The following GRM5 variants were observed in gnomAD, a reference collection of about 807,000 sequenced individuals.
GRM5 encodes the protein metabotropic glutamate receptor 5.
GRM5 carries 19 observed loss-of-function variants against 83.1 expected under a neutral mutation model. The ratio of observed to expected loss-of-function variants is 0.23; its 90% confidence interval spans 0.16 to 0.34. GRM5 has a LOEUF of 0.34. Ranked by LOEUF, GRM5 falls within the 10% of genes least tolerant of loss-of-function variation. The pLI, the probability that GRM5 is intolerant of heterozygous loss-of-function variation, is 1.00. For synonymous variants in GRM5, 675 were observed against 633.6 expected (o/e 1.07, Z -0.98); for missense variants, 1,160 against 1,588.3 (o/e 0.73, Z 4.58).
At chr11:88,627,652 C>A (rs1938839218) in intron 4 of GRM5, among the ~76,000 whole-genome samples, 1 of 152,134 alleles carries the variant, frequency 6.6e-6, no homozygotes, top group Admixed American at 6.5e-5. Flanking sequence ...GCAAAATTTT[C>A]TCAATCACCT....
intron 3 of GRM5, among the ~76,000 whole-genome samples, chr11:88,719,739 C>G (rs1316357702): frequency 6.6e-6 from 1 of 151,868 alleles, no homozygotes; most frequent in African/African-American, 2.4e-5. Flanking sequence ...TGGCTCTTGA[C>G]TTTAATAATA....
chr11:88,722,577 A>G (rs984037003), intron 3 of GRM5, among the ~76,000 whole-genome samples: 2 of 152,132 alleles, frequency 1.3e-5, no homozygotes, highest in Admixed American at 1.3e-4. Context: ...ATCAATCTTT[A>G]TATACTAAGA....
chr11:88,828,857 C>T (rs979265825), intron 3 of GRM5, among the ~76,000 whole-genome samples: 6 of 151,798 alleles, frequency 4.0e-5, no homozygotes, highest in South Asian at 2.1e-4. Flanking sequence ...AATATACTAA[C>T]GAAATTACAA....
chr11:88,974,855 G>C (rs1565316235), intron 2 of GRM5, among the ~76,000 whole-genome samples: 1 of 152,142 alleles, frequency 6.6e-6, no homozygotes, highest in Non-Finnish European at 1.5e-5. Flanking sequence ...AAATAGGAAA[G>C]ACAAAACTTG....
chr11:88,698,554 T>C (rs1940954688), intron 3 of GRM5, among the ~76,000 whole-genome samples: 1 of 152,176 alleles, frequency 6.6e-6, no homozygotes, highest in Admixed American at 6.6e-5. Flanking sequence ...AGAGTAGTTA[T>C]TGGCTACGTA....
chr11:88,898,722 G>C (rs1945272353), intron 2 of GRM5, among the ~76,000 whole-genome samples: 1 of 151,806 alleles, frequency 6.6e-6, no homozygotes, highest in Non-Finnish European at 1.5e-5. Flanking sequence ...TGTCTCTTTG[G>C]TGTTCACACA....
In GRM5 at chr11:89,047,824, G is replaced by C; in HGVS notation, c.49C>G (p.Arg17Gly). Residue 17 changes from arginine to glycine, a missense_variant, in exon 2 of 10, where the codon CGT (arginine) becomes GGT (glycine). This residue lies in a region of GRM5 where 71 missense variants were observed against 145.8 expected (regional missense o/e 0.49). Transcript: ENST00000305447. This position sits in a 1 kb window ranked among gnomAD's most constrained non-coding sequence, Gnocchi z 5.1. ...LSVLLLKEDV[R>G]GSAQSSERRV... ...CTCTCACTGGACTGTGCACTCCCAC[G>C]GACATCTTCTTTCAAAAGTAAGACT... 1 of 1,613,786 alleles carries C rather than the reference G, an allele frequency of 6.2e-7. No individual in the cohort carries two copies. Among genetic ancestry groups the C allele is most frequent in the Non-Finnish European group, 8.5e-7 (1 of 1,179,754 alleles).
intron 3 of GRM5, among the ~76,000 whole-genome samples, chr11:88,781,512 G>T (rs562580715): frequency 6.6e-6 from 1 of 152,140 alleles, no homozygotes; most frequent in African/African-American, 2.4e-5. Context: ...GGAGGCAAAG[G>T]CACGGTGCAG....
chr11:88,841,697 G>A (rs1204459190), intron 3 of GRM5, among the ~76,000 whole-genome samples: 2 of 152,134 alleles, frequency 1.3e-5, no homozygotes, highest in Non-Finnish European at 2.9e-5. Flanking sequence ...TACATATTAA[G>A]CAACTCAACT....
At chr11:89,017,827 G>T (rs1940896473) in intron 2 of GRM5, among the ~76,000 whole-genome samples, 1 of 152,082 alleles carries the variant, frequency 6.6e-6, no homozygotes, top group Non-Finnish European at 1.5e-5. Flanking sequence ...CAGAATGTTT[G>T]GTTTTCAGTT....
chr11:88,779,139 T>C (rs1591509964), intron 3 of GRM5, among the ~76,000 whole-genome samples: 1 of 152,220 alleles, frequency 6.6e-6, no homozygotes, highest in East Asian at 1.9e-4. Flanking sequence ...GTAAACATAG[T>C]ATTTAAATGG....
Position 88,643,011 on chromosome 11 carries a change from C to T in GRM5, c.1147+10157G>A, listed in dbSNP as rs533942243. ...TTTTCAATTATCTTTATAGCAATGTCCCACTCCTTGATACCAATTTCCTGT... is the reference window on the plus strand; with the variant it reads ...TTTTCAATTATCTTTATAGCAATGTTCCACTCCTTGATACCAATTTCCTGT... On this transcript the variant is annotated intron_variant, in intron 4 of 9. Transcript: ENST00000305447. Among the ~76,000 whole-genome samples, 94 of 152,146 alleles carry T rather than the reference C, an allele frequency of 6.2e-4. 1 individual carries two copies. Among genetic ancestry groups the T allele is most frequent in the Non-Finnish European group, 1.2e-3 (81 of 68,002 alleles).
At chr11:88,864,910 T>A (rs1415877725) in intron 2 of GRM5, among the ~76,000 whole-genome samples, 1 of 152,054 alleles carries the variant, frequency 6.6e-6, no homozygotes, top group Admixed American at 6.6e-5. Context: ...CTTTTCTGCA[T>A]CTATTGAGAT....
At chr11:88,800,286 C>G (rs1356400602) in intron 3 of GRM5, among the ~76,000 whole-genome samples, 1 of 152,028 alleles carries the variant, frequency 6.6e-6, no homozygotes, top group Non-Finnish European at 1.5e-5. Flanking sequence ...TTATGTAGGA[C>G]TCTCCAGCCA....
At chr11:88,685,445 T>C (rs1326618126) in intron 3 of GRM5, among the ~76,000 whole-genome samples, 5 of 152,176 alleles carry the variant, frequency 3.3e-5, no homozygotes, top group Non-Finnish European at 7.3e-5. Context: ...CCTGACAATG[T>C]GATAGAAAAG....
intron 3 of GRM5, among the ~76,000 whole-genome samples, chr11:88,794,102 T>C (rs1943230294): frequency 6.6e-6 from 1 of 152,142 alleles, no homozygotes; most frequent in Non-Finnish European, 1.5e-5. Context: ...ATTGCTGGGA[T>C]TGAAGGTGAG....
intron 3 of GRM5, among the ~76,000 whole-genome samples, chr11:88,721,777 G>T (rs898657908): frequency 1.3e-5 from 2 of 152,054 alleles, no homozygotes; most frequent in African/African-American, 2.4e-5. Context: ...TGCCTCCAAG[G>T]TGAATATAGA....
At chr11:88,731,232 T>G (rs1941800305) in intron 3 of GRM5, among the ~76,000 whole-genome samples, 1 of 152,036 alleles carries the variant, frequency 6.6e-6, no homozygotes, top group African/African-American at 2.4e-5. Flanking sequence ...GCTTCATAAT[T>G]CACCACTTCT....
chr11:89,052,380 C>T (rs1941779533), intron 1 of GRM5, among the ~76,000 whole-genome samples: 1 of 151,836 alleles, frequency 6.6e-6, no homozygotes, highest in African/African-American at 2.4e-5. Context: ...GGAGTCAACC[C>T]AAAAAGTAAG....
Sources: gnomAD v4.1 joint callset for allele counts (sites outside exome capture counted in the v4.1 genomes callset) on GRCh38, gnomAD v4.1.1 for gene constraint, gnomAD v4.1.1 regional missense constraint, Gnocchi (gnomAD v3.1) non-coding constraint, MANE v1.5 for transcripts, NCBI Gene and HGNC (gene_info 2026-07-23, HGNC 2026-07-21) for gene names.